Variants in SCAPER observed in about 807,000 individuals in gnomAD.
SCAPER encodes S phase cyclin A-associated protein in the endoplasmic reticulum.
Under a neutral mutation model 182.2 loss-of-function variants are expected in SCAPER, and 98 were observed. The observed-to-expected ratio is 0.54, with a 90% CI of 0.46 to 0.64. SCAPER has a LOEUF of 0.64. SCAPER is among the 30% of genes least tolerant of loss of function. SCAPER has a pLI of 0.00. For synonymous variants in SCAPER, 605 were observed against 564.6 expected (o/e 1.07, Z -1.01); for missense variants, 1,432 against 1,690.0 (o/e 0.85, Z 2.68).
rs538221049 is a variant in SCAPER, at chr15:76,593,792, G to T, written c.2712-19508C>A. Among the ~76,000 whole-genome samples the T allele has an allele frequency of 1.7e-5, 2 of 120,688 alleles. 1 individual carries two copies. Among genetic ancestry groups the T allele is most frequent in the East Asian group, 4.5e-4 (2 of 4,484 alleles). The allele number at this position is 120,688 out of a possible 152,430, so 79.2% of individuals were successfully genotyped here. A position where few individuals can be genotyped will look rare whatever the true frequency, so the allele number is the denominator to read the frequency against. ...GAATAGCATCAACAGCAACAAAAAG[G>T]ACATCCACACAGAAACCCCATCCGA... On this transcript the variant is annotated intron_variant, in intron 22 of 31. Coordinates refer to ENST00000563290, the MANE Select transcript of SCAPER (RefSeq NM_020843.4).
chr15:76,534,372 A>G (rs150695871), intron 23 of SCAPER, among the ~76,000 whole-genome samples: 53 of 152,342 alleles, frequency 3.5e-4, no homozygotes, highest in African/African-American at 1.1e-3. Context: ...TTGGGAGGTC[A>G]TAAGTGTTGT....
intron 20 of SCAPER, among the ~76,000 whole-genome samples, chr15:76,687,106 G>C (rs1464261076): frequency 6.6e-6 from 1 of 152,028 alleles, no homozygotes; most frequent in Non-Finnish European, 1.5e-5. Context: ...TACATAAATA[G>C]CAAATATTGA....
chr15:76,821,979 T>G (rs1339782007), intron 5 of SCAPER, among the ~76,000 whole-genome samples: 1 of 151,708 alleles, frequency 6.6e-6, no homozygotes, highest in Non-Finnish European at 1.5e-5. Flanking sequence ...AAAAGATCAG[T>G]GGCTGCTGGG....
intron 23 of SCAPER, among the ~76,000 whole-genome samples, chr15:76,522,214 T>C (rs1482523535): frequency 6.6e-6 from 1 of 152,082 alleles, no homozygotes; most frequent in Non-Finnish European, 1.5e-5. Flanking sequence ...TTCTAAAAAT[T>C]GTAAAAACCT....
chr15:76,439,291 C>T (rs1026237287), intron 25 of SCAPER, among the ~76,000 whole-genome samples: 14 of 152,248 alleles, frequency 9.2e-5, no homozygotes, highest in Admixed American at 9.2e-4. Flanking sequence ...GTTTGCCAGG[C>T]TTGTCTCAAA....
At chr15:76,366,008 C>G (rs943339859) in intron 29 of SCAPER, among the ~76,000 whole-genome samples, 1 of 152,022 alleles carries the variant, frequency 6.6e-6, no homozygotes, top group African/African-American at 2.4e-5. Context: ...ATATGCCACC[C>G]CCAAATTCTC....
At chr15:76,669,634 G>A (rs181718089) in intron 20 of SCAPER, among the ~76,000 whole-genome samples, 260 of 152,266 alleles carry the variant, frequency 1.7e-3, no homozygotes, top group Non-Finnish European at 3.5e-3. Context: ...ACATTTCACA[G>A]ATGGTTAACA....
intron 26 of SCAPER, among the ~76,000 whole-genome samples, chr15:76,422,377 A>G (rs894721708): frequency 2.0e-5 from 3 of 152,164 alleles, no homozygotes; most frequent in African/African-American, 7.2e-5. Context: ...CTCTCTTTGA[A>G]GCAATTGTGA....
intron 20 of SCAPER, among the ~76,000 whole-genome samples, chr15:76,674,589 C>A (rs950874656): frequency 6.6e-6 from 1 of 152,096 alleles, no homozygotes; most frequent in Non-Finnish European, 1.5e-5. Flanking sequence ...CAGAAAAGAG[C>A]CTGTAACAAC....
At chr15:76,371,559 C>G (rs2042177572) in intron 29 of SCAPER, among the ~76,000 whole-genome samples, 1 of 150,848 alleles carries the variant, frequency 6.6e-6, no homozygotes, top group Non-Finnish European at 1.5e-5. Flanking sequence ...ACCCTGTGAT[C>G]CGCCCACCCC....
chr15:76,753,590 T>C (rs2062227693), intron 15 of SCAPER, among the ~76,000 whole-genome samples: 1 of 151,994 alleles, frequency 6.6e-6, no homozygotes, highest in South Asian at 2.1e-4. Context: ...TCTCTATCAA[T>C]TATACCTTTA....
chr15:76,840,325 C>T (rs1285408166), intron 5 of SCAPER, among the ~76,000 whole-genome samples: 9 of 150,502 alleles, frequency 6.0e-5, no homozygotes, highest in Non-Finnish European at 7.4e-5. Context: ...GAGGCTGAGG[C>T]AGGAGGACTG....
chr15:76,893,301 T>G (rs572926123), intron 1 of SCAPER, among the ~76,000 whole-genome samples: 1 of 152,252 alleles, frequency 6.6e-6, no homozygotes, highest in Admixed American at 6.5e-5. Flanking sequence ...TTTGTGCACA[T>G]GTACCCTAGA....
chr15:76,766,247 C>T (rs189926140), intron 11 of SCAPER, among the ~76,000 whole-genome samples: 95 of 152,188 alleles, frequency 6.2e-4, no homozygotes, highest in African/African-American at 2.2e-3. Context: ...CAGGCACCTG[C>T]CACCACGCCC....
intron 25 of SCAPER, among the ~76,000 whole-genome samples, chr15:76,438,688 C>T (rs989788925): frequency 6.6e-6 from 1 of 152,172 alleles, no homozygotes; most frequent in African/African-American, 2.4e-5. Flanking sequence ...GATCTCAGGC[C>T]CAGGTCTAAA....
intron 21 of SCAPER, among the ~76,000 whole-genome samples, chr15:76,655,397 GA>G (rs1453422472): frequency 2.0e-5 from 3 of 152,138 alleles, no homozygotes; most frequent in Admixed American, 6.5e-5. Context: ...ATTATGTAAA[GA>G]GACCAAATCT....
At chr15:76,418,251 A>C (rs1165475353) in intron 26 of SCAPER, among the ~76,000 whole-genome samples, 1 of 152,198 alleles carries the variant, frequency 6.6e-6, no homozygotes, top group African/African-American at 2.4e-5. Flanking sequence ...CAGGGGAGTA[A>C]GGCATCCTGC....
intron 21 of SCAPER, among the ~76,000 whole-genome samples, chr15:76,649,940 T>C (rs1290944315): frequency 6.6e-6 from 1 of 152,094 alleles, no homozygotes; most frequent in Admixed American, 6.5e-5. Flanking sequence ...GCAAAGAGCA[T>C]AACAAATGGT....
chr15:76,840,417 CAAAA>C (rs35131345), intron 5 of SCAPER, among the ~76,000 whole-genome samples: 5 of 103,272 alleles, frequency 4.8e-5, no homozygotes, highest in Non-Finnish European at 2.1e-5. Flanking sequence ...AGACCTGCCT[CAAAA>C]AAAAAAAAAA....
Sources: allele counts gnomAD v4.1 joint callset (sites outside exome capture counted in the v4.1 genomes callset), GRCh38; gene constraint gnomAD v4.1.1; transcripts MANE v1.5; gene names NCBI Gene and HGNC (gene_info 2026-07-23, HGNC 2026-07-21).